Variants in GRB10 observed in about 807,000 individuals in gnomAD.
GRB10 encodes growth factor receptor bound protein 10.
A neutral mutation model predicts 80.9 loss-of-function variants in GRB10; 20 were observed. The ratio of observed to expected loss-of-function variants is 0.25; its 90% CI spans 0.17 to 0.36. The LOEUF (loss-of-function observed/expected upper bound fraction) is 0.36, where lower values mean the gene tolerates loss of function less well. Ranked by LOEUF, GRB10 falls within the 10% of genes least tolerant of loss-of-function variation. The pLI, the probability that GRB10 is intolerant of heterozygous loss-of-function variation, is 1.00. For missense variants in GRB10, 548 were observed against 747.7 expected, an observed-to-expected ratio of 0.73 and a Z score of 3.12; for synonymous variants, 291 against 291.5, an observed-to-expected ratio of 1.00 and a Z score of 0.02.
In GRB10 at chr7:50,627,927, C is replaced by A. The variant is rs12673641; in HGVS notation, c.505-949G>T. 4.7e-4 allele frequency among the ~76,000 whole-genome samples: 72 copies of A among 152,300 alleles called. 1 individual carries two copies. The East Asian group carries it at 0.014, about 29-fold the overall frequency. On this transcript the variant is annotated intron_variant, in intron 7 of 18. Transcript: ENST00000401949. Reference sequence around the variant, plus strand: ...CTGTCTCCGGGCAGCAGGGAGGCCACCCACCCACCCGCTGGGCTCCCAGGC... The same window carrying A: ...CTGTCTCCGGGCAGCAGGGAGGCCAACCACCCACCCGCTGGGCTCCCAGGC...
intron 5 of GRB10, among the ~76,000 whole-genome samples, chr7:50,678,124 GCCTT>G (rs907545757): frequency 2.3e-4 from 35 of 152,282 alleles, no homozygotes; most frequent in African/African-American, 7.9e-4. Context: ...TTCCTGCTAA[GCCTT>G]CTGTCAGTCA....
At chr7:50,671,887 C>A (rs2060389538) in intron 6 of GRB10, among the ~76,000 whole-genome samples, 1 of 152,212 alleles carries the variant, frequency 6.6e-6, no homozygotes, top group Non-Finnish European at 1.5e-5. Flanking sequence ...CAAAAAATCC[C>A]CACCAAAGAG....
At chr7:50,679,096 C>T (rs1022597237) in intron 5 of GRB10, among the ~76,000 whole-genome samples, 2 of 152,200 alleles carry the variant, frequency 1.3e-5, no homozygotes, top group Non-Finnish European at 2.9e-5. Flanking sequence ...AACAACATGG[C>T]TGTCAATCAT....
intron 6 of GRB10, among the ~76,000 whole-genome samples, chr7:50,671,505 T>C (rs2060346311): frequency 6.6e-6 from 1 of 152,228 alleles, no homozygotes; most frequent in South Asian, 2.1e-4. Context: ...TCACATGGCA[T>C]GAAGGGAATC....
At chr7:50,723,753 G>T (rs776915988) in intron 4 of GRB10, among the ~76,000 whole-genome samples, 1 of 152,192 alleles carries the variant, frequency 6.6e-6, no homozygotes, top group Non-Finnish European at 1.5e-5. Context: ...ATTCAAACCT[G>T]GGGCCTGCAT....
At chr7:50,649,415 C>T (rs544288936) in intron 7 of GRB10, among the ~76,000 whole-genome samples, 6 of 152,242 alleles carry the variant, frequency 3.9e-5, no homozygotes, top group South Asian at 2.1e-4. Context: ...TGTGTGGAGA[C>T]GCCACAGGGG....
intron 7 of GRB10, among the ~76,000 whole-genome samples, chr7:50,658,894 C>T (rs184192226): frequency 4.5e-4 from 68 of 152,304 alleles, no homozygotes; most frequent in Middle Eastern, 6.8e-3. Context: ...GGTGCCGTCA[C>T]GTCGGGCCTT....
chr7:50,653,725 C>T (rs1379341412), intron 7 of GRB10, among the ~76,000 whole-genome samples: 3 of 152,200 alleles, frequency 2.0e-5, no homozygotes, highest in Non-Finnish European at 4.4e-5. Flanking sequence ...CTTAAGTTTT[C>T]CTTCCACACG....
rs1365094201 is a variant in GRB10, at chr7:50,605,271, G to T, written c.1389+19C>A. On this transcript the variant is annotated intron_variant, in intron 15 of 18. Coordinates refer to ENST00000401949, the MANE Select transcript of GRB10 (RefSeq NM_001350814.2). ...ACCTTGAGGGTGCCCCTCCAGGCTG[G>T]CCAGGGCCGGGGCCTTACCCTCCAG... 2 of 1,586,690 alleles carry T rather than the reference G, an allele frequency of 1.3e-6. No homozygotes were observed. The highest frequency in any genetic ancestry group is 1.7e-6 in the Non-Finnish European group (2 of 1,157,508).
intron 4 of GRB10, among the ~76,000 whole-genome samples, chr7:50,717,492 A>C (rs2067049613): frequency 6.6e-6 from 1 of 152,240 alleles, no homozygotes; most frequent in African/African-American, 2.4e-5. Context: ...ACAGTCACAT[A>C]TATATGTATA....
intron 7 of GRB10, among the ~76,000 whole-genome samples, chr7:50,660,189 G>C (rs546275477): frequency 1.4e-3 from 215 of 152,314 alleles, no homozygotes; most frequent in African/African-American, 3.8e-3. Context: ...TGGGAAGTAG[G>C]GGGTGCAGCC....
intron 4 of GRB10, among the ~76,000 whole-genome samples, chr7:50,716,645 C>A (rs1325355239): frequency 6.6e-6 from 1 of 152,102 alleles, no homozygotes; most frequent in Admixed American, 6.5e-5. Flanking sequence ...TGACCAAATC[C>A]AACCCTACAG....
chr7:50,764,573 T>G (rs1417819085), intron 2 of GRB10, among the ~76,000 whole-genome samples: 1 of 152,188 alleles, frequency 6.6e-6, no homozygotes, highest in East Asian at 1.9e-4. Flanking sequence ...CACAGGGACA[T>G]GAGCTCTGGT....
At chr7:50,692,977 G>C (rs1430364716) in intron 5 of GRB10, among the ~76,000 whole-genome samples, 1 of 152,134 alleles carries the variant, frequency 6.6e-6, no homozygotes, top group African/African-American at 2.4e-5. Context: ...CTCTGATGAG[G>C]AAGATAAGAC....
At chr7:50,724,940 T>C (rs1439605502) in intron 4 of GRB10, among the ~76,000 whole-genome samples, 2 of 152,160 alleles carry the variant, frequency 1.3e-5, no homozygotes, top group African/African-American at 4.8e-5. Context: ...CAAGGATTCA[T>C]GCTCCAACCA....
chr7:50,607,884 G>A (rs1210384913), intron 13 of GRB10, among the ~76,000 whole-genome samples: 1 of 152,172 alleles, frequency 6.6e-6, no homozygotes, highest in Non-Finnish European at 1.5e-5. Flanking sequence ...AGAAGAAAGA[G>A]TCAGAAACAG....
upstream of GRB10, among the ~76,000 whole-genome samples, chr7:50,786,290 G>A (rs778131051): frequency 3.3e-5 from 5 of 152,084 alleles, no homozygotes; most frequent in Non-Finnish European, 5.9e-5. Context: ...TAGAAAGAGA[G>A]AAGAGGAAAA....
rs1469192832 is a variant in GRB10, at chr7:50,635,903, A to T, written c.505-8925T>A. On this transcript the variant is annotated intron_variant, in intron 7 of 18. Transcript: ENST00000401949. ...TCAGTAATTATAAAAATCTTCCAAT[A>T]AAAAAAAAAAAAAGCCCAGGACCAG... Among the ~76,000 whole-genome samples the T allele has an allele frequency of 4.1e-4, 16 of 38,624 alleles. No homozygotes were observed. The South Asian group carries it at 0.01, about 25-fold the overall frequency. 25.3% of individuals were successfully genotyped at this position (38,624 alleles called of 152,430 possible).
chr7:50,617,822 A>G (rs2050932621), intron 10 of GRB10: 1 of 570,216 alleles, frequency 1.8e-6, no homozygotes, highest in Non-Finnish European at 3.1e-6. Flanking sequence ...CTTCTAAGTC[A>G]GAGCAAGGGC....
Sources: allele counts gnomAD v4.1 joint callset (sites outside exome capture counted in the v4.1 genomes callset), GRCh38; gene constraint gnomAD v4.1.1; transcripts MANE v1.5; gene names NCBI Gene and HGNC (gene_info 2026-07-23, HGNC 2026-07-21).